KCNH5: variants seen among roughly 807,000 people sequenced by gnomAD.
The protein encoded by KCNH5 is potassium voltage-gated channel subfamily H member 5, also known as voltage-gated delayed rectifier potassium channel KCNH5.
A neutral mutation model predicts 96.1 loss-of-function variants in KCNH5; 46 were observed. The observed-to-expected ratio is 0.48, with a 90% CI of 0.38 to 0.61. The LOEUF is 0.61. Among genes scored for constraint, KCNH5 ranks in the 20% least tolerant of loss-of-function variants. The pLI is 0.00. For synonymous variants in KCNH5, 439 were observed against 449.8 expected (o/e 0.98, Z 0.30); for missense variants, 907 against 1,225.8 (o/e 0.74, Z 3.88).
At chr14:62,943,963 G>A (rs1276234455) in intron 7 of KCNH5, among the ~76,000 whole-genome samples, 5 of 152,150 alleles carry the variant, frequency 3.3e-5, no homozygotes, top group Admixed American at 2.0e-4. Context: ...CCAGGTAGCA[G>A]GTAAGAAAAG....
At chr14:62,866,901 A>T (rs1888144511) in intron 7 of KCNH5, among the ~76,000 whole-genome samples, 1 of 152,172 alleles carries the variant, frequency 6.6e-6, no homozygotes, top group Non-Finnish European at 1.5e-5. Flanking sequence ...GCAAACAATC[A>T]TGTCCTGATA....
In KCNH5 at chr14:62,810,210, C is replaced by T. The variant is rs1003292768; in HGVS notation, c.1570-7629G>A. On this transcript the variant is annotated intron_variant, in intron 8 of 10. Coordinates refer to ENST00000322893, the MANE Select transcript of KCNH5 (RefSeq NM_139318.5). ...CTCAAGAGTTATAAATGGCCCTCGC[C>T]ATACTGATGTTTTCTGACTAAGCTC... Among the ~76,000 whole-genome samples the T allele has an allele frequency of 2.6e-5, 4 of 152,056 alleles. No homozygotes were observed. The South Asian group carries it at 8.3e-4, about 32-fold the overall frequency.
intron 8 of KCNH5, among the ~76,000 whole-genome samples, chr14:62,838,371 G>A (rs985423496): frequency 6.6e-6 from 1 of 152,032 alleles, no homozygotes; most frequent in African/African-American, 2.4e-5. Context: ...TCTAGGAGTG[G>A]AATCTCTAAC....
intron 1 of KCNH5, among the ~76,000 whole-genome samples, chr14:63,019,307 T>A (rs574932024): frequency 6.6e-6 from 1 of 152,100 alleles, no homozygotes; most frequent in East Asian, 1.9e-4. Flanking sequence ...ACAATCACAA[T>A]GAAAATGACA....
intron 6 of KCNH5, among the ~76,000 whole-genome samples, chr14:62,972,874 G>C (rs1479146085): frequency 6.6e-6 from 1 of 152,166 alleles, no homozygotes; most frequent in African/African-American, 2.4e-5. Context: ...AGAATAAGCA[G>C]AGCATGAAAA....
At chr14:62,725,666 C>A (rs2139918295) in intron 10 of KCNH5, among the ~76,000 whole-genome samples, 1 of 152,264 alleles carries the variant, frequency 6.6e-6, no homozygotes, top group Middle Eastern at 3.4e-3. Flanking sequence ...ACAAAAATAA[C>A]AAATGCAGGG....
intron 10 of KCNH5, among the ~76,000 whole-genome samples, chr14:62,763,380 C>T (rs1005516316): frequency 6.6e-6 from 1 of 151,358 alleles, no homozygotes; most frequent in African/African-American, 2.4e-5. Context: ...GAATCTCACG[C>T]CTAAGGCAGT....
At chr14:62,930,053 T>A (rs989880642) in intron 7 of KCNH5, among the ~76,000 whole-genome samples, 4 of 152,156 alleles carry the variant, frequency 2.6e-5, no homozygotes, top group Admixed American at 2.0e-4. Context: ...CCTAGGTTGA[T>A]TCCATGTCTT....
At chr14:63,024,683 T>A (rs934671002) in intron 1 of KCNH5, among the ~76,000 whole-genome samples, 1 of 151,938 alleles carries the variant, frequency 6.6e-6, no homozygotes, top group African/African-American at 2.4e-5. Context: ...AGAAATAAAT[T>A]TCTAGACACA....
At chr14:62,776,753 T>C (rs1217215845) in intron 10 of KCNH5, among the ~76,000 whole-genome samples, 2 of 152,214 alleles carry the variant, frequency 1.3e-5, no homozygotes, top group Non-Finnish European at 2.9e-5. Context: ...AATTTTTACA[T>C]AGAGGGGCTT....
intron 8 of KCNH5, among the ~76,000 whole-genome samples, chr14:62,829,809 G>T (rs1006474546): frequency 1.3e-5 from 2 of 152,154 alleles, no homozygotes; most frequent in African/African-American, 4.8e-5. Context: ...GCACCTGAAG[G>T]CTTGAATTTC....
rs200344381 is a variant in KCNH5, at chr14:62,900,674, T to TA, written c.1369+49458dup. ...TCTGCATCCAAATGAAAAAGTTTTC[T>TA]AAAAAATGAAAAGAAATTTAATGAA... On this transcript the variant is annotated intron_variant, in intron 7 of 10. Coordinates refer to ENST00000322893, the MANE Select transcript of KCNH5 (RefSeq NM_139318.5). Among the ~76,000 whole-genome samples, 598 of 151,892 alleles carry TA rather than the reference T, an allele frequency of 3.9e-3. 14 individuals are homozygous for TA. The highest frequency in any genetic ancestry group is 0.033 in the Admixed American group (501 of 15,264).
At chr14:62,735,152 G>A (rs970424262) in intron 10 of KCNH5, among the ~76,000 whole-genome samples, 2 of 152,134 alleles carry the variant, frequency 1.3e-5, no homozygotes, top group Admixed American at 1.3e-4. Flanking sequence ...AGGAAATAAA[G>A]CTTAATGATA....
chr14:62,915,747 T>C (rs1889260561), intron 7 of KCNH5, among the ~76,000 whole-genome samples: 1 of 152,182 alleles, frequency 6.6e-6, no homozygotes, highest in Non-Finnish European at 1.5e-5. Flanking sequence ...AATCTTTTTA[T>C]CGAACATCTA....
chr14:62,890,232 G>T (rs992696359), intron 7 of KCNH5, among the ~76,000 whole-genome samples: 2 of 152,058 alleles, frequency 1.3e-5, no homozygotes, highest in Non-Finnish European at 2.9e-5. Flanking sequence ...TTGACAAATG[G>T]GATCTAATTA....
intron 9 of KCNH5, among the ~76,000 whole-genome samples, chr14:62,787,450 G>GC (rs1280890884): frequency 6.6e-6 from 1 of 152,174 alleles, no homozygotes. Flanking sequence ...ACATAAAAAT[G>GC]CAAGCTGAAA....
intron 7 of KCNH5, among the ~76,000 whole-genome samples, chr14:62,882,408 C>A (rs1369333515): frequency 1.3e-5 from 2 of 152,202 alleles, no homozygotes; most frequent in East Asian, 3.8e-4. Context: ...AATTTCTATG[C>A]TCCAAGACAT....
chr14:63,017,266 C>A (rs1212372827), intron 1 of KCNH5, among the ~76,000 whole-genome samples: 6 of 151,924 alleles, frequency 3.9e-5, no homozygotes, highest in Admixed American at 2.0e-4. Flanking sequence ...ATGTTAATGA[C>A]TATAAATTAC....
At chr14:62,810,834 T>G (rs942507481) in intron 8 of KCNH5, among the ~76,000 whole-genome samples, 1 of 152,120 alleles carries the variant, frequency 6.6e-6, no homozygotes, top group African/African-American at 2.4e-5. Flanking sequence ...TTAATAAACT[T>G]GCTTAATAAG....
Sources: allele counts gnomAD v4.1 joint callset (sites outside exome capture counted in the v4.1 genomes callset), GRCh38; gene constraint gnomAD v4.1.1; transcripts MANE v1.5; gene names NCBI Gene and HGNC (gene_info 2026-07-23, HGNC 2026-07-21).